NELL1: variants seen among roughly 807,000 people sequenced by gnomAD.
The protein encoded by NELL1 is protein kinase C-binding protein NELL1.
Under a neutral mutation model 107.4 loss-of-function variants are expected in NELL1, and 76 were observed. That is an observed-to-expected ratio of 0.71 (90% CI 0.59 to 0.86). The LOEUF (loss-of-function observed/expected upper bound fraction) is 0.86. Among genes scored for constraint, NELL1 ranks in the 40% least tolerant of loss-of-function variants. NELL1 has a pLI of 0.00. For missense variants in NELL1, 1,024 were observed against 1,005.5 expected (o/e 1.02, Z -0.25); for synonymous variants, 353 against 341.2 (o/e 1.03, Z -0.38).
chr11:21,146,186 G>C lies in NELL1; in HGVS notation c.1426+32472G>C, dbSNP rs1855974486. 2.6e-5 allele frequency among the ~76,000 whole-genome samples: 4 copies of C among 151,950 alleles called. 1 individual carries two copies. The highest frequency in any genetic ancestry group is 2.6e-4 in the Admixed American group (4 of 15,256). ...AGTGTCTGGTGCACAGAAAGCACTA[G>C]TATCAGTGCCATTCTCTGCTCTACC... is the stretch of plus-strand genomic sequence containing the variant. On this transcript the variant is annotated intron_variant, in intron 13 of 19. Coordinates refer to ENST00000357134, the MANE Select transcript of NELL1 (RefSeq NM_006157.5).
intron 5 of NELL1, among the ~76,000 whole-genome samples, chr11:20,915,723 T>TC (rs1850240142): frequency 1.0e-4 from 1 of 9,570 alleles, no homozygotes; most frequent in African/African-American, 2.3e-4. Flanking sequence ...ATATATTTTT[T>TC]TTTTTTTTTT....
chr11:21,449,100 C>A (rs1303546667), intron 15 of NELL1, among the ~76,000 whole-genome samples: 6 of 152,108 alleles, frequency 3.9e-5, no homozygotes, highest in African/African-American at 1.4e-4. Context: ...ATGTATATGG[C>A]AGGTGAATAT....
intron 13 of NELL1, among the ~76,000 whole-genome samples, chr11:21,183,578 T>C (rs1032376890): frequency 6.6e-6 from 1 of 151,790 alleles, no homozygotes; most frequent in East Asian, 1.9e-4. Flanking sequence ...ATTAAGGAAA[T>C]GCAGGCATCG....
chr11:20,822,388 T>A (rs435001), intron 3 of NELL1, among the ~76,000 whole-genome samples: 1 of 152,144 alleles, frequency 6.6e-6, no homozygotes, highest in African/African-American at 2.4e-5. Flanking sequence ...TACCTTCATT[T>A]CCTGGCAGGG....
intron 14 of NELL1, among the ~76,000 whole-genome samples, chr11:21,291,975 G>A (rs1463530727): frequency 2.6e-5 from 4 of 152,228 alleles, no homozygotes; most frequent in East Asian, 1.9e-4. Context: ...ATATCATACC[G>A]AATGGGTAAA....
chr11:21,376,468 G>A (rs1158183880), intron 15 of NELL1, among the ~76,000 whole-genome samples: 6 of 152,024 alleles, frequency 3.9e-5, no homozygotes, highest in Admixed American at 1.3e-4. Flanking sequence ...ATAGTTTGTT[G>A]TCAGGTAGTG....
intron 13 of NELL1, among the ~76,000 whole-genome samples, chr11:21,156,298 C>G (rs1224177898): frequency 6.6e-6 from 1 of 152,174 alleles, no homozygotes; most frequent in African/African-American, 2.4e-5. Flanking sequence ...CAAAACCAGT[C>G]TGCCTGAGGA....
intron 12 of NELL1, among the ~76,000 whole-genome samples, chr11:21,013,164 A>G (rs1274875954): frequency 2.6e-5 from 4 of 152,202 alleles, no homozygotes; most frequent in Non-Finnish European, 4.4e-5. Context: ...TGAGTCAGTT[A>G]GGTCAGATCT....
At chr11:20,814,186 G>A (rs887105032) in intron 3 of NELL1, among the ~76,000 whole-genome samples, 9 of 151,996 alleles carry the variant, frequency 5.9e-5, no homozygotes, top group African/African-American at 2.2e-4. Flanking sequence ...AGTAGAGATG[G>A]GGTTTCACCG....
intron 11 of NELL1, among the ~76,000 whole-genome samples, chr11:20,955,941 C>A (rs552308835): frequency 5.9e-4 from 90 of 152,188 alleles, no homozygotes; most frequent in Admixed American, 1.4e-3. Flanking sequence ...TCAGTATGGG[C>A]CAGGCACGAT....
intron 17 of NELL1, among the ~76,000 whole-genome samples, chr11:21,563,182 G>C (rs555659050): frequency 6.6e-6 from 1 of 152,174 alleles, no homozygotes; most frequent in South Asian, 2.1e-4. Flanking sequence ...TTACAGCCCA[G>C]CGTCTTTTCA....
chr11:20,872,839 G>C (rs527269916), intron 4 of NELL1, among the ~76,000 whole-genome samples: 18 of 152,238 alleles, frequency 1.2e-4, no homozygotes, highest in African/African-American at 4.1e-4. Context: ...CAGGCCTTTA[G>C]AGAGACATTC....
At chr11:21,539,698 G>T (rs2060587449) in intron 16 of NELL1, among the ~76,000 whole-genome samples, 1 of 150,978 alleles carries the variant, frequency 6.6e-6, no homozygotes, top group South Asian at 2.1e-4. Context: ...GTGGAGCCTG[G>T]GGTTTGGGGT....
At chr11:21,117,197 C>T (rs1855257912) in intron 13 of NELL1, among the ~76,000 whole-genome samples, 1 of 151,964 alleles carries the variant, frequency 6.6e-6, no homozygotes, top group Non-Finnish European at 1.5e-5. Context: ...GAGAGGCTTT[C>T]CATGATCAAT....
At chr11:21,522,834 CTTT>C (rs66707466) in intron 15 of NELL1, among the ~76,000 whole-genome samples, 2 of 68,430 alleles carry the variant, frequency 2.9e-5, no homozygotes, top group African/African-American at 6.2e-5. Context: ...TTTTTCTTTT[CTTT>C]TTTTTTTTTT....
chr11:20,814,261 TG>T (rs1265925311), intron 3 of NELL1, among the ~76,000 whole-genome samples: 2 of 152,252 alleles, frequency 1.3e-5, no homozygotes, highest in Non-Finnish European at 2.9e-5. Context: ...CCCAAAGTGC[TG>T]GGATTACAGG....
chr11:21,398,926 T>C (rs1852037696), intron 15 of NELL1, among the ~76,000 whole-genome samples: 1 of 151,738 alleles, frequency 6.6e-6, no homozygotes, highest in Non-Finnish European at 1.5e-5. Context: ...TAATTGAAAC[T>C]AACAATTCCC....
rs562886820 is a variant in NELL1 at position 21,441,087 on chromosome 11, T to C, written c.1645+70139T>C. Among the ~76,000 whole-genome samples, 4 of 152,258 alleles carry C rather than the reference T, an allele frequency of 2.6e-5. No homozygotes were observed. In the South Asian group the frequency reaches 8.3e-4, roughly 32 times the overall value. ...AAACTCCTTTATTATTAAACCTCTT[T>C]AATCTTACCTCCTACATCTCAACTA... On this transcript the variant is annotated intron_variant, in intron 15 of 19. Coordinates refer to ENST00000357134, the MANE Select transcript of NELL1 (RefSeq NM_006157.5).
chr11:21,553,836 G>A (rs1398661468), intron 16 of NELL1, among the ~76,000 whole-genome samples: 2 of 151,770 alleles, frequency 1.3e-5, no homozygotes, highest in African/African-American at 2.4e-5. Flanking sequence ...GCCAACATAG[G>A]CAGCATAAAA....
Sources: allele counts gnomAD v4.1 joint callset (sites outside exome capture counted in the v4.1 genomes callset), GRCh38; gene constraint gnomAD v4.1.1; transcripts MANE v1.5; gene names NCBI Gene and HGNC (gene_info 2026-07-23, HGNC 2026-07-21).